Variants in ARFGEF3 observed in about 807,000 individuals in gnomAD.
ARFGEF3 encodes ARFGEF family member 3.
In ARFGEF3, 96 loss-of-function variants were observed where a neutral mutation model predicts 221.7. That is an observed-to-expected ratio of 0.43 (90% CI 0.37 to 0.51). ARFGEF3 has a LOEUF of 0.51. ARFGEF3 is among the 20% of genes least tolerant of loss of function. The pLI, the probability that ARFGEF3 is intolerant of heterozygous loss-of-function variation, is 0.00. For missense variants in ARFGEF3, 2,410 were observed against 2,789.9 expected (o/e 0.86, Z 3.07); for synonymous variants, 1,145 against 1,126.8 (o/e 1.02, Z -0.32).
At position 138,170,720 on chromosome 6, in the gene ARFGEF3, G is replaced by C; in HGVS notation, c.137+7G>C. ...TCCCTCCACATGTACTGAGGTAGGAGATGGACATTGTATAATATCACAGAA... is the reference window on the plus strand; with the variant it reads ...TCCCTCCACATGTACTGAGGTAGGACATGGACATTGTATAATATCACAGAA... On this transcript the variant is annotated splice_region_variant and intron_variant, in intron 2 of 33. Transcript: ENST00000251691. The C allele has an allele frequency of 6.6e-7, 1 of 1,523,862 alleles. No homozygotes were observed. Among genetic ancestry groups the C allele is most frequent in the Admixed American group, 1.7e-5 (1 of 59,804 alleles). 94.4% of individuals were successfully genotyped at this position (1,523,862 alleles called of 1,614,324 possible).
chr6:138,279,065 C>T (rs1223351543), intron 13 of ARFGEF3, among the ~76,000 whole-genome samples: 3 of 152,126 alleles, frequency 2.0e-5, no homozygotes, highest in Non-Finnish European at 1.5e-5. Context: ...GGCTAGAGTG[C>T]AGTGGTGTGA....
Position 138,335,178 on chromosome 6 carries a change from C to A in ARFGEF3, c.6332C>A (p.Ala2111Glu), listed in dbSNP as rs1780300545. 6.5e-7 allele frequency: 1 copy of A among 1,547,604 alleles called. No individual in the cohort carries two copies. Among genetic ancestry groups the A allele is most frequent in the Non-Finnish European group, 8.7e-7 (1 of 1,155,256 alleles). ...AGTGTCTCGGTGAGAGACGCAGAAGCACAGATCCAGGTACATCCCTGTGGC... is the reference window on the plus strand; with the variant it reads ...AGTGTCTCGGTGAGAGACGCAGAAGAACAGATCCAGGTACATCCCTGTGGC... ...SLSVSVRDAE[A>E]QIQAWTNMVL... Residue 2111 changes from alanine (A) to glutamate (E), a missense_variant, in exon 33 of 34, where the codon GCA becomes GAA. Around this residue, in one of 5 missense-constraint regions of ARFGEF3, gnomAD observed 339 missense variants for 334.9 expected, o/e 1.01. Transcript: ENST00000251691.
At chr6:138,298,259 T>A (rs1779558076) in intron 21 of ARFGEF3, among the ~76,000 whole-genome samples, 1 of 152,146 alleles carries the variant, frequency 6.6e-6, no homozygotes, top group Non-Finnish European at 1.5e-5. Flanking sequence ...GGGGCACAGC[T>A]CAGATGAAAC....
chr6:138,257,382 A>G (rs1227635613), intron 10 of ARFGEF3, among the ~76,000 whole-genome samples: 1 of 152,202 alleles, frequency 6.6e-6, no homozygotes, highest in Non-Finnish European at 1.5e-5. Flanking sequence ...CTTATCCTAA[A>G]TTCACCAGTC....
chr6:138,316,311 A>G (rs1164414306), intron 26 of ARFGEF3, among the ~76,000 whole-genome samples: 3 of 152,344 alleles, frequency 2.0e-5, no homozygotes, highest in East Asian at 3.9e-4. Context: ...AATCCTCAAC[A>G]TTGATACATT....
At chr6:138,213,392 A>T (rs1259575227) in intron 4 of ARFGEF3, among the ~76,000 whole-genome samples, 1 of 151,688 alleles carries the variant, frequency 6.6e-6, no homozygotes, top group African/African-American at 2.4e-5. Flanking sequence ...TAGGAGGCAG[A>T]TGTTGCCGTG....
In ARFGEF3 at chr6:138,287,160, G is replaced by A; in HGVS notation, c.2872G>A (p.Glu958Lys). The change falls in exon 17 of 34, where the codon GAA becomes AAA. Residue 958 changes from glutamate to lysine, a missense_variant. By Grantham distance (56) the Glu-to-Lys change is moderately conservative. Transcript: ENST00000251691. ...QEEKEEREAQ[E>K]PSDAITQVKL... ...AGAAAAAGAAGAGAGGGAGGCCCAAGAACCCAGTGATGCCATCACACAAGG... is the reference window on the plus strand; with the variant it reads ...AGAAAAAGAAGAGAGGGAGGCCCAAAAACCCAGTGATGCCATCACACAAGG... The A allele has an allele frequency of 1.3e-6, 2 of 1,566,230 alleles. No individual in the cohort carries two copies. Among genetic ancestry groups the A allele is most frequent in the Non-Finnish European group, 1.7e-6 (2 of 1,155,248 alleles).
chr6:138,311,943 G>A (rs1224213047), intron 25 of ARFGEF3, among the ~76,000 whole-genome samples: 1 of 152,096 alleles, frequency 6.6e-6, no homozygotes, highest in African/African-American at 2.4e-5. Flanking sequence ...ATTACCTGAG[G>A]TCAGGAGTTC....
At chr6:138,275,738 T>G (rs1306128545) in intron 12 of ARFGEF3, among the ~76,000 whole-genome samples, 1 of 147,840 alleles carries the variant, frequency 6.8e-6, no homozygotes, top group East Asian at 2.0e-4. Context: ...AACAAGACTC[T>G]GACTCAGGAA....
At chr6:138,191,407 A>G (rs1057392265) in intron 2 of ARFGEF3, among the ~76,000 whole-genome samples, 6 of 152,126 alleles carry the variant, frequency 3.9e-5, no homozygotes, top group African/African-American at 1.4e-4. Flanking sequence ...CTGGCACGAA[A>G]TGGACATATC....
chr6:138,327,626 G>C (rs1780150026), intron 31 of ARFGEF3, among the ~76,000 whole-genome samples: 1 of 152,062 alleles, frequency 6.6e-6, no homozygotes, highest in African/African-American at 2.4e-5. Context: ...CCTGACAGAA[G>C]TCCCAACTCC....
intron 22 of ARFGEF3, among the ~76,000 whole-genome samples, chr6:138,299,747 T>C (rs1779596317): frequency 6.6e-6 from 1 of 152,084 alleles, no homozygotes; most frequent in Non-Finnish European, 1.5e-5. Flanking sequence ...CAACGCAAAC[T>C]TTACAAAGCT....
At chr6:138,196,446 G>A (rs997033791) in intron 2 of ARFGEF3, among the ~76,000 whole-genome samples, 11 of 152,328 alleles carry the variant, frequency 7.2e-5, no homozygotes, top group Middle Eastern at 3.4e-3. Context: ...ACTAAACATA[G>A]AAAAGGTACA....
At chr6:138,183,294 T>TG (rs1777117540) in intron 2 of ARFGEF3, among the ~76,000 whole-genome samples, 1 of 151,998 alleles carries the variant, frequency 6.6e-6, no homozygotes, top group Non-Finnish European at 1.5e-5. Context: ...TTGCTGAAAA[T>TG]GGGGAGGGTA....
At chr6:138,218,251 A>G in intron 4 of ARFGEF3, 1 of 1,611,896 alleles carries the variant, frequency 6.2e-7, no homozygotes, top group Non-Finnish European at 8.5e-7. Flanking sequence ...ACCTTGTAGC[A>G]GAATGGTAAG....
intron 5 of ARFGEF3, among the ~76,000 whole-genome samples, chr6:138,233,274 G>A (rs9494976): frequency 0.042 from 6,301 of 151,708 alleles, 417 homozygotes; most frequent in African/African-American, 0.14. Flanking sequence ...AAACATTGAC[G>A]CTCAACACCT....
intron 10 of ARFGEF3, among the ~76,000 whole-genome samples, chr6:138,260,465 T>C (rs1778770571): frequency 6.6e-6 from 1 of 152,208 alleles, no homozygotes; most frequent in African/African-American, 2.4e-5. Flanking sequence ...TTCTACCGTA[T>C]GTATATAAAA....
At chr6:138,205,621 C>A (rs1165760196) in intron 2 of ARFGEF3, among the ~76,000 whole-genome samples, 1 of 152,186 alleles carries the variant, frequency 6.6e-6, no homozygotes, top group East Asian at 1.9e-4. Flanking sequence ...TTGTGACAAG[C>A]CGACAGTAAG....
chr6:138,271,398 A>G (rs958523649), intron 12 of ARFGEF3, among the ~76,000 whole-genome samples: 1 of 152,204 alleles, frequency 6.6e-6, no homozygotes, highest in Non-Finnish European at 1.5e-5. Flanking sequence ...TCATCATATG[A>G]ATGTACTTAT....
Sources: allele counts gnomAD v4.1 joint callset (sites outside exome capture counted in the v4.1 genomes callset), GRCh38; gene constraint gnomAD v4.1.1; regional missense constraint gnomAD v4.1.1; transcripts MANE v1.5; gene names NCBI Gene and HGNC (gene_info 2026-07-23, HGNC 2026-07-21).